Variants in PRR5L observed in about 807,000 individuals in gnomAD.
The protein encoded by PRR5L is proline rich 5 like.
PRR5L carries 21 observed loss-of-function variants against 36.4 expected under a neutral mutation model. The observed-to-expected ratio is 0.58, with a 90% CI of 0.41 to 0.83. PRR5L has a LOEUF of 0.83. PRR5L is among the 40% of genes least tolerant of loss of function. The pLI is 0.00. For missense variants in PRR5L, 381 were observed against 473.3 expected, an observed-to-expected ratio of 0.80 and a Z score of 1.81; for synonymous variants, 188 against 197.0, an observed-to-expected ratio of 0.95 and a Z score of 0.38.
rs1282818600 is a variant in PRR5L, at chr11:36,464,571, GACTA to G, written c.*1838_*1841del. On this transcript the variant is annotated 3_prime_UTR_variant, in exon 9 of 9. Transcript: ENST00000530639. The stretch of plus-strand genomic sequence containing the variant: ...ATGTGTTGGATAAAGTCTACAGACT[GACTA>G]ACATGCATTAGCAAATGGAGCATCA... 6.6e-6 allele frequency: 1 copy of G among 151,712 alleles called. No homozygotes were observed. Among genetic ancestry groups the G allele is most frequent in the Non-Finnish European group, 1.5e-5 (1 of 68,016 alleles). 9.4% of individuals were successfully genotyped at this position (151,712 alleles called of 1,614,324 possible).
At chr11:36,462,266 C>G in intron 8 of PRR5L, 76 bp from the exon 9 acceptor site, 1 of 1,400,020 alleles carries the variant, frequency 7.1e-7, no homozygotes, top group South Asian at 1.6e-5. Context: ...TGTTCTTTTC[C>G]CCCAGTTGGA....
At chr11:36,300,575 CA>C (rs376475561) in intron 1 of PRR5L, among the ~76,000 whole-genome samples, 47,359 of 151,776 alleles carry the variant, frequency 0.31, 8,300 homozygotes, top group Non-Finnish European at 0.39. Flanking sequence ...CAGAAGGGGC[CA>C]TATCATCTCA....
intron 1 of PRR5L, 37 bp from the exon 2 acceptor site, chr11:36,400,960 C>G: frequency 7.1e-7 from 1 of 1,417,926 alleles, no homozygotes; most frequent in Non-Finnish European, 9.2e-7. Context: ...TGTTCTCAGG[C>G]CAGGAGTTCT....
At chr11:36,361,058 G>T (rs1458428621) in intron 1 of PRR5L, among the ~76,000 whole-genome samples, 1 of 152,280 alleles carries the variant, frequency 6.6e-6, no homozygotes, top group African/African-American at 2.4e-5. Flanking sequence ...ACTTTGCACT[G>T]GTCCCCACCT....
At chr11:36,456,719 C>A (rs1398928626) in intron 8 of PRR5L, among the ~76,000 whole-genome samples, 7 of 152,234 alleles carry the variant, frequency 4.6e-5, no homozygotes, top group Non-Finnish European at 7.3e-5. Context: ...ATCAGTGGAG[C>A]ACCTCCTTTT....
At chr11:36,369,555 C>T (rs954937889) in intron 1 of PRR5L, among the ~76,000 whole-genome samples, 11 of 152,036 alleles carry the variant, frequency 7.2e-5, no homozygotes, top group African/African-American at 9.7e-5. Context: ...CCAAGAAAGA[C>T]GAAAATCTCT....
At chr11:36,328,375 G>A (rs113419850) in intron 1 of PRR5L, among the ~76,000 whole-genome samples, 3 of 152,226 alleles carry the variant, frequency 2.0e-5, no homozygotes, top group Admixed American at 6.5e-5. Flanking sequence ...GATCATGGGG[G>A]CGCATTTACC....
At chr11:36,341,326 G>A (rs1326370426) in intron 1 of PRR5L, among the ~76,000 whole-genome samples, 1 of 152,160 alleles carries the variant, frequency 6.6e-6, no homozygotes, top group African/African-American at 2.4e-5. Flanking sequence ...TAATTCAGAG[G>A]CAAAGGGAAT....
intron 5 of PRR5L, among the ~76,000 whole-genome samples, chr11:36,435,034 G>T (rs1858575908): frequency 6.6e-6 from 1 of 152,000 alleles, no homozygotes; most frequent in Non-Finnish European, 1.5e-5. Context: ...GGTCAAGAGG[G>T]CCTCTGCTTG....
intron 1 of PRR5L, among the ~76,000 whole-genome samples, chr11:36,323,787 A>G (rs1253576773): frequency 6.6e-6 from 1 of 152,212 alleles, no homozygotes; most frequent in Non-Finnish European, 1.5e-5. Flanking sequence ...TGGAAAGCTG[A>G]TGCAGAAAGA....
chr11:36,335,213 C>T (rs151051857), intron 1 of PRR5L, among the ~76,000 whole-genome samples: 1,546 of 152,098 alleles, frequency 0.01, 22 homozygotes, highest in African/African-American at 0.034. Flanking sequence ...TACAGGTGCA[C>T]GCCATTACGC....
At chr11:36,341,520 T>C (rs929483762) in intron 1 of PRR5L, among the ~76,000 whole-genome samples, 14 of 152,100 alleles carry the variant, frequency 9.2e-5, no homozygotes, top group Middle Eastern at 3.2e-3. Context: ...CAGGCTTCAA[T>C]TGGAACTATC....
At chr11:36,353,995 G>C (rs1026976845) in intron 1 of PRR5L, among the ~76,000 whole-genome samples, 1 of 152,178 alleles carries the variant, frequency 6.6e-6, no homozygotes, top group African/African-American at 2.4e-5. Flanking sequence ...AGAATCAATA[G>C]TCAGAAGTGG....
At chr11:36,374,093 CCTT>C (rs1857226485) in intron 1 of PRR5L, among the ~76,000 whole-genome samples, 1 of 117,908 alleles carries the variant, frequency 8.5e-6, no homozygotes, top group South Asian at 2.9e-4. Context: ...TTCCTTCCTT[CCTT>C]CCTTCCTTCC....
Position 36,464,792 on chromosome 11 carries a change from A to C in PRR5L, c.*2056A>C, listed in dbSNP as rs1859262398. The C allele has an allele frequency of 6.6e-6, 1 of 152,178 alleles. No individual in the cohort carries two copies. Among genetic ancestry groups the C allele is most frequent in the East Asian group, 1.9e-4 (1 of 5,204 alleles). The allele number at this position is 152,178 out of a possible 1,614,324, so 9.4% of individuals were successfully genotyped here. On this transcript the variant is annotated 3_prime_UTR_variant, in exon 9 of 9. Coordinates refer to ENST00000530639, the MANE Select transcript of PRR5L (RefSeq NM_001160167.2). ...ATATAAATGCCTTTTCCATATCTTA[A>C]ATGTCCCTGATGAGGAGAGCAGTCA...
intron 6 of PRR5L, among the ~76,000 whole-genome samples, chr11:36,441,677 T>G (rs1858725342): frequency 6.6e-6 from 1 of 152,044 alleles, no homozygotes; most frequent in Non-Finnish European, 1.5e-5. Flanking sequence ...ACCCCACATA[T>G]CCCCTTGGCA....
At chr11:36,433,902 G>A (rs1858553026) in intron 5 of PRR5L, among the ~76,000 whole-genome samples, 1 of 152,198 alleles carries the variant, frequency 6.6e-6, no homozygotes, top group Admixed American at 6.5e-5. Context: ...GCGTGGTAAA[G>A]GGAGGGAAAG....
At chr11:36,354,141 G>A (rs1471617267) in intron 1 of PRR5L, among the ~76,000 whole-genome samples, 2 of 152,162 alleles carry the variant, frequency 1.3e-5, no homozygotes, top group East Asian at 1.9e-4. Context: ...TTTAACCTCA[G>A]TTTCCTTGTC....
intron 1 of PRR5L, among the ~76,000 whole-genome samples, chr11:36,372,140 G>T (rs1857204381): frequency 6.6e-6 from 1 of 152,172 alleles, no homozygotes; most frequent in South Asian, 2.1e-4. Flanking sequence ...ATTATTCAGA[G>T]ATGGAAGCAG....
Sources: allele counts gnomAD v4.1 joint callset (sites outside exome capture counted in the v4.1 genomes callset), GRCh38; gene constraint gnomAD v4.1.1; transcripts MANE v1.5; gene names NCBI Gene and HGNC (gene_info 2026-07-23, HGNC 2026-07-21).